ITGB3: variants seen among roughly 807,000 people sequenced by gnomAD.
ITGB3 encodes the protein integrin beta-3.
A neutral mutation model predicts 85.8 loss-of-function variants in ITGB3; 48 were observed. The ratio of observed to expected loss-of-function variants is 0.56; its 90% CI spans 0.44 to 0.71. The LOEUF is 0.71. ITGB3 is among the 30% of genes least tolerant of loss of function. The pLI is 0.00. For synonymous variants in ITGB3, 363 were observed against 395.6 expected, an observed-to-expected ratio of 0.92 and a Z score of 0.98; for missense variants, 861 against 1,019.1, an observed-to-expected ratio of 0.84 and a Z score of 2.11.
At chr17:47,263,272 G>A (rs2065014647) in intron 1 of ITGB3, among the ~76,000 whole-genome samples, 1 of 152,118 alleles carries the variant, frequency 6.6e-6, no homozygotes, top group Admixed American at 6.6e-5. Context: ...CCCTGGAATG[G>A]GCTTTATGCA....
intron 14 of ITGB3, among the ~76,000 whole-genome samples, chr17:47,308,189 A>ATAATAATAATAATAATAATAATAAT (rs1555574002): frequency 7.5e-6 from 1 of 134,190 alleles, no homozygotes; most frequent in African/African-American, 2.8e-5. Flanking sequence ...AATAATAATA[A>ATAATAATAATAATAATAATAATAAT]AATAAAATAA....
rs2065223161 is a variant in ITGB3 at position 47,313,281 on chromosome 17, C to A, written c.*3077C>A. ...GAAGCACTGTGCCCGGCCAGTCATC[C>A]ATGATTTTAATGGGGTCCAAAGGCC... On this transcript the variant is annotated 3_prime_UTR_variant, in exon 15 of 15. Transcript: ENST00000559488. 6.6e-6 allele frequency among the ~76,000 whole-genome samples: 1 copy of A among 151,364 alleles called. No homozygotes were observed. Among genetic ancestry groups the A allele is most frequent in the African/African-American group, 2.4e-5 (1 of 41,222 alleles).
rs371411493 is a variant in ITGB3 at position 47,312,263 on chromosome 17, T to G, written c.*2059T>G. On this transcript the variant is annotated 3_prime_UTR_variant, in exon 15 of 15. Transcript: ENST00000559488. ...ATATTAGGGAAGAGGAATCCATAAGTAGCTGAAATATCTATTCTGTATTAT... is the reference window on the plus strand; with the variant it reads ...ATATTAGGGAAGAGGAATCCATAAGGAGCTGAAATATCTATTCTGTATTAT... Among the ~76,000 whole-genome samples the G allele has an allele frequency of 1.3e-5, 2 of 152,246 alleles. No individual in the cohort carries two copies. Among genetic ancestry groups the G allele is most frequent in the Non-Finnish European group, 2.9e-5 (2 of 68,040 alleles).
At chr17:47,272,432 A>G (rs373520038) in intron 1 of ITGB3, among the ~76,000 whole-genome samples, 1 of 151,766 alleles carries the variant, frequency 6.6e-6, no homozygotes, top group South Asian at 2.1e-4. Context: ...GTCTCGCACT[A>G]TTGCCCAGGG....
intron 1 of ITGB3, among the ~76,000 whole-genome samples, chr17:47,268,587 A>G (rs1234696374): frequency 1.3e-5 from 2 of 152,224 alleles, no homozygotes; most frequent in South Asian, 2.1e-4. Context: ...CTTTGACTCC[A>G]TGTCTCACAC....
intron 1 of ITGB3, among the ~76,000 whole-genome samples, chr17:47,266,347 C>T (rs11657517): frequency 0.26 from 40,193 of 152,108 alleles, 5,571 homozygotes; most frequent in African/African-American, 0.32. Context: ...CCTGTTCCTA[C>T]AGTCCAGCAT....
intron 1 of ITGB3, among the ~76,000 whole-genome samples, chr17:47,269,174 C>T (rs930138402): frequency 6.6e-6 from 1 of 152,154 alleles, no homozygotes; most frequent in African/African-American, 2.4e-5. Flanking sequence ...ACCATTTTTT[C>T]CTCTTAGGCC....
At chr17:47,272,727 C>CTTTCTTTCTTTCTTTCTTTCTTTCTTTT (rs35068412) in intron 1 of ITGB3, among the ~76,000 whole-genome samples, 1 of 108,734 alleles carries the variant, frequency 9.2e-6, no homozygotes, top group African/African-American at 3.8e-5. Context: ...TTCTTTCTTT[C>CTTTCTTTCTTTCTTTCTTTCTTTCTTTT]GTTCTTTCTT....
At chr17:47,278,247 T>G (rs905321508) in intron 2 of ITGB3, among the ~76,000 whole-genome samples, 1 of 152,122 alleles carries the variant, frequency 6.6e-6, no homozygotes, top group African/African-American at 2.4e-5. Context: ...TGACTCTCGC[T>G]CTCCAAGAAG....
intron 4 of ITGB3, among the ~76,000 whole-genome samples, chr17:47,285,456 T>C (rs2065099065): frequency 6.6e-6 from 1 of 151,990 alleles, no homozygotes; most frequent in Admixed American, 6.6e-5. Flanking sequence ...CTACAAAAAT[T>C]ACAAAAAAAT....
chr17:47,278,840 A>T (rs1467045261), intron 2 of ITGB3, among the ~76,000 whole-genome samples: 1 of 152,168 alleles, frequency 6.6e-6, no homozygotes, highest in Non-Finnish European at 1.5e-5. Context: ...ATGAGGATCA[A>T]ACTAATGCCT....
chr17:47,273,746 A>G (rs755508296), intron 1 of ITGB3, among the ~76,000 whole-genome samples: 16 of 152,198 alleles, frequency 1.1e-4, no homozygotes, highest in Admixed American at 3.3e-4. Context: ...TTCAGAATTC[A>G]AGCACAAACC....
chr17:47,308,784 C>T (rs552732401), intron 14 of ITGB3, among the ~76,000 whole-genome samples: 1 of 152,160 alleles, frequency 6.6e-6, no homozygotes, highest in East Asian at 1.9e-4. Flanking sequence ...CAGGCGTGAG[C>T]CACTGCGCCT....
intron 1 of ITGB3, among the ~76,000 whole-genome samples, chr17:47,267,684 C>T (rs939826911): frequency 2.0e-5 from 3 of 152,166 alleles, no homozygotes; most frequent in Non-Finnish European, 2.9e-5. Context: ...CTCATTTTAT[C>T]CTCTGGGGTC....
rs184143910 is a variant in ITGB3, at chr17:47,313,249, C to T, written c.*3045C>T. Among the ~76,000 whole-genome samples the T allele has an allele frequency of 6.6e-6, 1 of 152,108 alleles. No homozygotes were observed. The highest frequency in any genetic ancestry group is 2.4e-5 in the African/African-American group (1 of 41,486). On this transcript the variant is annotated 3_prime_UTR_variant, in exon 15 of 15. Coordinates refer to ENST00000559488, the MANE Select transcript of ITGB3 (RefSeq NM_000212.3). ...TCGGCCTCCCACAGTGCTGGGATTA[C>T]AAGTGTGAAGCACTGTGCCCGGCCA...
chr17:47,283,326 G>T (rs746038478), intron 2 of ITGB3, 28 bp from the exon 3 acceptor site: 3 of 1,612,602 alleles, frequency 1.9e-6, no homozygotes, highest in East Asian at 4.5e-5. Flanking sequence ...CTGATTGCTG[G>T]ACTTCTCTTT....
At position 47,299,611 on chromosome 17, in the gene ITGB3, G is replaced by GAGCAAGAAACACACC; in HGVS notation, c.1913+81_1913+82insAGCAAGAAACACACC. 7.6e-7 allele frequency: 1 copy of GAGCAAGAAACACACC among 1,313,240 alleles called. No homozygotes were observed. Among genetic ancestry groups the GAGCAAGAAACACACC allele is most frequent in the Non-Finnish European group, 1.1e-6 (1 of 926,808 alleles). The allele number at this position is 1,313,240 out of a possible 1,614,324, so 81.3% of individuals were successfully genotyped here. A position where few individuals can be genotyped will look rare whatever the true frequency, so the allele number is the denominator to read the frequency against. On this transcript the variant is annotated intron_variant, in intron 11 of 14. Coordinates refer to ENST00000559488, the MANE Select transcript of ITGB3 (RefSeq NM_000212.3). This position sits in a 1 kb window ranked among gnomAD's most constrained non-coding sequence, Gnocchi z 5.1. ...GACTAGAATCCCCAGCTCTCCAGGTGTGTTTCTTGCTCACCAGAGCCTTAG... is the reference window on the plus strand; with the variant it reads ...GACTAGAATCCCCAGCTCTCCAGGTGAGCAAGAAACACACCTGTTTCTTGCTCACCAGAGCCTTAG...
intron 11 of ITGB3, 110 bp from the exon 12 acceptor site, chr17:47,300,368 T>TG: frequency 9.0e-6 from 7 of 778,026 alleles, no homozygotes; most frequent in Non-Finnish European, 1.6e-5. Flanking sequence ...TGTGTGTGTG[T>TG]TTTAATGGAG....
At chr17:47,302,978 T>G in intron 13 of ITGB3, 138 bp downstream of exon 13, 1 of 990,910 alleles carries the variant, frequency 1.0e-6, no homozygotes, top group South Asian at 1.4e-5. Flanking sequence ...CCAGGTGTGG[T>G]GGTTAACACC....
Sources: gnomAD v4.1 joint callset for allele counts (sites outside exome capture counted in the v4.1 genomes callset) on GRCh38, gnomAD v4.1.1 for gene constraint, Gnocchi (gnomAD v3.1) non-coding constraint, MANE v1.5 for transcripts, NCBI Gene and HGNC (gene_info 2026-07-23, HGNC 2026-07-21) for gene names.